The following RAB38 variants were observed in gnomAD, a reference collection of about 807,000 sequenced individuals.
RAB38 encodes the protein RAB38, member RAS oncogene family.
A neutral mutation model predicts 18.4 loss-of-function variants in RAB38; 15 were observed. That is an observed-to-expected ratio of 0.82 (90% CI 0.55 to 1.26). The LOEUF (loss-of-function observed/expected upper bound fraction) is 1.26. RAB38 is among the 50% of genes most tolerant of loss of function. The pLI is 0.00. For missense variants in RAB38, 294 were observed against 267.4 expected (o/e 1.10, Z -0.69); for synonymous variants, 101 against 104.4 (o/e 0.97, Z 0.20).
the RAB38 span, among the ~76,000 whole-genome samples, chr11:87,851,236 C>A: frequency 6.6e-6 from 1 of 152,202 alleles, no homozygotes; most frequent in Non-Finnish European, 1.5e-5. Context: ...TCTTCCCTGA[C>A]CCCTTCCCCA....
chr11:88,144,546 T>C (rs1041558103), intron 2 of RAB38, among the ~76,000 whole-genome samples: 2 of 152,208 alleles, frequency 1.3e-5, no homozygotes, highest in African/African-American at 4.8e-5. Context: ...AAGAAACTAA[T>C]ACCATCTTAT....
chr11:87,922,236 G>C, the RAB38 span, among the ~76,000 whole-genome samples: 1 of 151,876 alleles, frequency 6.6e-6, no homozygotes, highest in Non-Finnish European at 1.5e-5. Context: ...CCTCAAAAGG[G>C]AAAGACTATA....
chr11:87,905,218 C>T, the RAB38 span, among the ~76,000 whole-genome samples: 1 of 151,570 alleles, frequency 6.6e-6, no homozygotes, highest in South Asian at 2.1e-4. Flanking sequence ...TTTTCTTTCT[C>T]ATAATTTGTA....
the RAB38 span, chr11:87,816,290 CCTT>C: frequency 6.6e-6 from 1 of 152,100 alleles, no homozygotes; most frequent in African/African-American, 2.4e-5. Flanking sequence ...TTCTTCAAAA[CCTT>C]CTATTTGTGG....
the RAB38 span, among the ~76,000 whole-genome samples, chr11:87,848,695 C>G: frequency 1.3e-5 from 2 of 152,012 alleles, no homozygotes; most frequent in Non-Finnish European, 2.9e-5. Context: ...CTTTGAAGTT[C>G]CTTATCTCTC....
chr11:87,899,083 C>T, the RAB38 span, among the ~76,000 whole-genome samples: 3 of 151,590 alleles, frequency 2.0e-5, no homozygotes, highest in African/African-American at 7.3e-5. Context: ...ATAATTAGAG[C>T]CCTCAATAGT....
At chr11:87,817,183 C>T in the RAB38 span, 1 of 152,120 alleles carries the variant, frequency 6.6e-6, no homozygotes, top group African/African-American at 2.4e-5. Context: ...ATAAGGTATA[C>T]AAATCGGTAG....
At chr11:87,945,591 A>G in the RAB38 span, among the ~76,000 whole-genome samples, 2 of 152,284 alleles carry the variant, frequency 1.3e-5, no homozygotes, top group Admixed American at 6.6e-5. Flanking sequence ...AAAGAAAAAG[A>G]GAGGTTCCTA....
chr11:88,028,508 C>A, the RAB38 span, among the ~76,000 whole-genome samples: 27 of 152,120 alleles, frequency 1.8e-4, no homozygotes, highest in African/African-American at 5.5e-4. Flanking sequence ...GTATAACTAG[C>A]ATAACCAATA....
the RAB38 span, among the ~76,000 whole-genome samples, chr11:87,953,686 A>T: frequency 2.6e-5 from 4 of 152,174 alleles, no homozygotes; most frequent in Non-Finnish European, 4.4e-5. Flanking sequence ...AGGGTTCAGT[A>T]CTATCTGCGG....
At chr11:88,003,990 T>G in the RAB38 span, among the ~76,000 whole-genome samples, 5 of 130,184 alleles carry the variant, frequency 3.8e-5, no homozygotes, top group South Asian at 1.1e-3. Flanking sequence ...CATATAGGTA[T>G]ATATATATAT....
At chr11:87,971,806 G>T in the RAB38 span, among the ~76,000 whole-genome samples, 3 of 152,040 alleles carry the variant, frequency 2.0e-5, no homozygotes, top group Non-Finnish European at 1.5e-5. Flanking sequence ...ATGCCTCACA[G>T]TCTTACTTTC....
At chr11:87,952,976 TAAACATA>T in the RAB38 span, among the ~76,000 whole-genome samples, 19 of 152,274 alleles carry the variant, frequency 1.2e-4, no homozygotes, top group African/African-American at 3.8e-4. Context: ...TTAAAACATT[TAAACATA>T]AAACATTTAA....
chr11:87,898,360 C>T, the RAB38 span, among the ~76,000 whole-genome samples: 1 of 151,622 alleles, frequency 6.6e-6, no homozygotes, highest in Non-Finnish European at 1.5e-5. Context: ...TTCCTCAGAT[C>T]CCAAACCAAT....
chr11:88,157,352 C>T (rs1040140539), intron 1 of RAB38, among the ~76,000 whole-genome samples: 11 of 152,190 alleles, frequency 7.2e-5, no homozygotes, highest in Admixed American at 5.2e-4. Context: ...AAAACAAGTA[C>T]TTCTAGACCT....
chr11:87,936,331 C>A, the RAB38 span, among the ~76,000 whole-genome samples: 3 of 152,006 alleles, frequency 2.0e-5, no homozygotes, highest in African/African-American at 4.8e-5. Flanking sequence ...TGAGACAGGC[C>A]AAGCTTTATT....
At chr11:88,091,889 T>C in the RAB38 span, among the ~76,000 whole-genome samples, 3 of 151,880 alleles carry the variant, frequency 2.0e-5, no homozygotes, top group Non-Finnish European at 4.4e-5. Context: ...CTGTAGAGGC[T>C]CTTGGTAAAC....
At chr11:87,957,257 G>A in the RAB38 span, among the ~76,000 whole-genome samples, 1 of 152,032 alleles carries the variant, frequency 6.6e-6, no homozygotes, top group African/African-American at 2.4e-5. Flanking sequence ...GTAGACAATG[G>A]GATCATACAT....
chr11:87,835,836 A>G, the RAB38 span, among the ~76,000 whole-genome samples: 1 of 152,160 alleles, frequency 6.6e-6, no homozygotes, highest in Non-Finnish European at 1.5e-5. Flanking sequence ...CACCCAGTCT[A>G]TGGTATTCAT....
Sources: gnomAD v4.1 joint callset for allele counts (sites outside exome capture counted in the v4.1 genomes callset) on GRCh38, gnomAD v4.1.1 for gene constraint, MANE v1.5 for transcripts, NCBI Gene and HGNC (gene_info 2026-07-23, HGNC 2026-07-21) for gene names.